Variants in SGCD observed in about 807,000 individuals in gnomAD.
The protein encoded by SGCD is delta-sarcoglycan.
Under a neutral mutation model 36.6 loss-of-function variants are expected in SGCD, and 18 were observed. The observed-to-expected ratio is 0.49, with a 90% CI of 0.34 to 0.73. The LOEUF is 0.73. Among genes scored for constraint, SGCD ranks in the 30% least tolerant of loss-of-function variants. The probability of loss-of-function intolerance (pLI) is 0.01; values close to 1 mark genes in which losing one functional copy is unlikely to be tolerated. For synonymous variants in SGCD, 133 were observed against 130.6 expected (o/e 1.02, Z -0.12); for missense variants, 387 against 346.7 (o/e 1.12, Z -0.92).
At chr5:156,478,246 T>C (rs1252192281) in intron 3 of SGCD, among the ~76,000 whole-genome samples, 2 of 152,192 alleles carry the variant, frequency 1.3e-5, no homozygotes, top group Non-Finnish European at 2.9e-5. Context: ...AAGGGACCTA[T>C]ATCAGAAATT....
At chr5:156,176,005 G>C (rs1464954858) in intron 3 of SGCD, among the ~76,000 whole-genome samples, 1 of 151,670 alleles carries the variant, frequency 6.6e-6, no homozygotes, top group African/African-American at 2.4e-5. Flanking sequence ...TATAGAATAA[G>C]TAGAATTATT....
chr5:155,774,525 G>T, the SGCD span, among the ~76,000 whole-genome samples: 2 of 152,212 alleles, frequency 1.3e-5, no homozygotes, highest in African/African-American at 4.8e-5. Flanking sequence ...TGTTGGCAGG[G>T]CTGGTTCCTT....
At chr5:156,523,040 T>C (rs1385332674) in intron 4 of SGCD, among the ~76,000 whole-genome samples, 1 of 152,186 alleles carries the variant, frequency 6.6e-6, no homozygotes, top group South Asian at 2.1e-4. Context: ...ATTTATTCCA[T>C]CATCCTAATT....
intron 3 of SGCD, among the ~76,000 whole-genome samples, chr5:156,238,698 G>A (rs1183409999): frequency 6.6e-6 from 1 of 152,178 alleles, no homozygotes; most frequent in Non-Finnish European, 1.5e-5. Context: ...ACAGAGCCAG[G>A]CTTCTGTGGT....
chr5:156,028,904 C>T (rs1759281745), intron 1 of SGCD, among the ~76,000 whole-genome samples: 1 of 152,156 alleles, frequency 6.6e-6, no homozygotes, highest in African/African-American at 2.4e-5. Flanking sequence ...AGACATACCA[C>T]TCAGCACGAA....
intron 1 of SGCD, among the ~76,000 whole-genome samples, chr5:156,112,377 A>G (rs541042988): frequency 1.1e-4 from 17 of 152,184 alleles, no homozygotes; most frequent in Non-Finnish European, 8.8e-5. Flanking sequence ...AATAATAGCC[A>G]GCCACCTAAG....
chr5:156,494,652 G>A (rs1477585927), intron 3 of SGCD, among the ~76,000 whole-genome samples: 1 of 152,026 alleles, frequency 6.6e-6, no homozygotes, highest in African/African-American at 2.4e-5. Context: ...TATTCCATTG[G>A]TGTCTAGTCA....
chr5:155,950,478 A>G (rs912019884), intron 1 of SGCD, among the ~76,000 whole-genome samples: 4 of 152,158 alleles, frequency 2.6e-5, no homozygotes, highest in Non-Finnish European at 4.4e-5. Context: ...AACTTTCACT[A>G]TGGATAAAGA....
At chr5:156,568,961 C>A (rs186535698) in intron 4 of SGCD, among the ~76,000 whole-genome samples, 1 of 152,300 alleles carries the variant, frequency 6.6e-6, no homozygotes, top group Admixed American at 6.5e-5. Context: ...TTACAGAATT[C>A]ATGGCCATAC....
At chr5:156,728,580 C>G (rs1262430618) in intron 7 of SGCD, among the ~76,000 whole-genome samples, 1 of 135,284 alleles carries the variant, frequency 7.4e-6, no homozygotes, top group Non-Finnish European at 1.6e-5. Context: ...AAGCTTGATT[C>G]TTTTTTATCA....
intron 2 of SGCD, among the ~76,000 whole-genome samples, chr5:156,340,941 T>C (rs1768619191): frequency 6.6e-6 from 1 of 152,212 alleles, no homozygotes; most frequent in African/African-American, 2.4e-5. Context: ...TCCATTACCA[T>C]ATGTTTGCAT....
At chr5:156,189,351 T>G (rs1209571111) in intron 3 of SGCD, among the ~76,000 whole-genome samples, 1 of 152,076 alleles carries the variant, frequency 6.6e-6, no homozygotes, top group Admixed American at 6.6e-5. Flanking sequence ...CCAACTGTAA[T>G]GCTAAAAAAA....
the SGCD span, among the ~76,000 whole-genome samples, chr5:155,864,648 G>A: frequency 6.6e-6 from 1 of 152,164 alleles, no homozygotes; most frequent in Non-Finnish European, 1.5e-5. Context: ...ACTACATGAA[G>A]TATTAATTAA....
chr5:156,675,008 C>T (rs545969140), intron 7 of SGCD, among the ~76,000 whole-genome samples: 20 of 152,236 alleles, frequency 1.3e-4, no homozygotes, highest in Non-Finnish European at 2.8e-4. Flanking sequence ...TCCTTTCTCA[C>T]AGCTCCATAA....
chr5:156,442,943 G>T (rs1486833493), intron 3 of SGCD, among the ~76,000 whole-genome samples: 4 of 152,154 alleles, frequency 2.6e-5, no homozygotes, highest in Admixed American at 6.6e-5. Flanking sequence ...AAAAGAGGGA[G>T]TGGACCTACT....
intron 4 of SGCD, among the ~76,000 whole-genome samples, chr5:156,564,697 T>C (rs11740312): frequency 0.22 from 34,108 of 152,050 alleles, 4,604 homozygotes; most frequent in Non-Finnish European, 0.31. Flanking sequence ...TTTCTATTTC[T>C]ATGAATGTGA....
intron 1 of SGCD, among the ~76,000 whole-genome samples, chr5:156,077,936 T>G (rs1219473118): frequency 6.6e-6 from 1 of 152,186 alleles, no homozygotes; most frequent in Non-Finnish European, 1.5e-5. Flanking sequence ...ACAGGGCAAT[T>G]AATCTTTCAA....
the SGCD span, among the ~76,000 whole-genome samples, chr5:155,765,572 C>T: frequency 1.3e-5 from 2 of 152,082 alleles, no homozygotes; most frequent in African/African-American, 4.8e-5. Context: ...AGTAACAGGA[C>T]ACAAAATTGA....
chr5:156,614,411 C>T (rs952619056), intron 6 of SGCD, among the ~76,000 whole-genome samples: 1 of 152,198 alleles, frequency 6.6e-6, no homozygotes, highest in Non-Finnish European at 1.5e-5. Flanking sequence ...AACTCCACGG[C>T]ACATTGTTAT....
Sources: allele counts gnomAD v4.1 joint callset (sites outside exome capture counted in the v4.1 genomes callset), GRCh38; gene constraint gnomAD v4.1.1; transcripts MANE v1.5; gene names NCBI Gene and HGNC (gene_info 2026-07-23, HGNC 2026-07-21).